MX1: variants seen among roughly 807,000 people sequenced by gnomAD.
The protein encoded by MX1 is MX dynamin like GTPase 1.
Under a neutral mutation model 66.4 loss-of-function variants are expected in MX1, and 66 were observed. That is an observed-to-expected ratio of 0.99 (90% CI 0.82 to 1.22). The LOEUF is 1.22. MX1 is among the 50% of genes most tolerant of loss of function. MX1 has a pLI of 0.00. For missense variants in MX1, 787 were observed against 834.3 expected (o/e 0.94, Z 0.70); for synonymous variants, 311 against 318.1 (o/e 0.98, Z 0.24).
Position 41,453,113 on chromosome 21 carries a change from A to G in MX1, c.1758+244A>G, listed in dbSNP as rs550978800. ...CACATGGCTGGGGAGGCCTTCTACC[A>G]TCACGGCAGAAGGCAATGGGCACTT... On this transcript the variant is annotated intron_variant, in intron 16 of 16. Coordinates refer to ENST00000398598, the MANE Select transcript of MX1 (RefSeq NM_002462.5). 5.3e-5 allele frequency among the ~76,000 whole-genome samples: 8 copies of G among 152,312 alleles called. No individual in the cohort carries two copies. In the South Asian group the frequency reaches 1.7e-3, roughly 32 times the overall value.
At chr21:41,440,781 AC>A in intron 8 of MX1, 105 bp from the exon 9 acceptor site, 1 of 1,316,208 alleles carries the variant, frequency 7.6e-7, no homozygotes, top group Non-Finnish European at 1.1e-6. Flanking sequence ...TGGGGGAAAT[AC>A]CCCTGGGACT....
chr21:41,447,041 T>A (rs2090683413), intron 13 of MX1, among the ~76,000 whole-genome samples: 1 of 152,212 alleles, frequency 6.6e-6, no homozygotes, highest in Non-Finnish European at 1.5e-5. Flanking sequence ...TGTGTAGCGG[T>A]TGGCTTTGGC....
intron 16 of MX1, among the ~76,000 whole-genome samples, chr21:41,453,229 A>C (rs1159924520): frequency 6.6e-6 from 1 of 152,204 alleles, no homozygotes; most frequent in East Asian, 1.9e-4. Context: ...AGAGTTACTC[A>C]CTACCATGAG....
chr21:41,445,382 G>A lies in MX1; in HGVS notation c.1009-66G>A, dbSNP rs201415505. On this transcript the variant is annotated intron_variant, in intron 11 of 16. Coordinates refer to ENST00000398598, the MANE Select transcript of MX1 (RefSeq NM_002462.5). ...ACAACTCCTCTGCAGAGGGAGGCCC[G>A]GGACCTCCTTTTCATTCTCTGTTCA... The A allele has an allele frequency of 2.9e-3, 4,597 of 1,575,298 alleles. 9 individuals are homozygous for A. The highest frequency in any genetic ancestry group is 3.7e-3 in the Non-Finnish European group (4,218 of 1,149,572).
upstream of MX1, among the ~76,000 whole-genome samples, chr21:41,424,304 C>T (rs2090023745): frequency 6.6e-6 from 1 of 151,282 alleles, no homozygotes; most frequent in African/African-American, 2.4e-5. Context: ...ACTTGTGTTC[C>T]CCTTGGATGA....
In MX1 at chr21:41,452,755, G is replaced by T. The variant is rs768667544; in HGVS notation, c.1644G>T (p.Lys548Asn). Reference sequence around the variant, plus strand: ...GTGCATTGCAGAAGGTCAGAGAGAAGGAGCTGGAAGAAGAAAAGAAGAAGA... The same window carrying T: ...GTGCATTGCAGAAGGTCAGAGAGAATGAGCTGGAAGAAGAAAAGAAGAAGA... ...YRGALQKVREKELEEEKKKKS... is the reference protein window; with the variant it reads ...YRGALQKVRENELEEEKKKKS... The change falls in exon 16 of 17, where the codon AAG (lysine) becomes AAT (asparagine). Residue 548 changes from lysine (K) to asparagine (N), a missense_variant. By Grantham distance (94) the Lys-to-Asn change is moderately conservative (BLOSUM62 0). Coordinates refer to ENST00000398598, the MANE Select transcript of MX1 (RefSeq NM_002462.5). 6.2e-7 allele frequency: 1 copy of T among 1,614,212 alleles called. No individual in the cohort carries two copies.
chr21:41,445,108 T>C (rs2090623642), intron 11 of MX1, among the ~76,000 whole-genome samples: 1 of 152,298 alleles, frequency 6.6e-6, no homozygotes, highest in East Asian at 1.9e-4. Flanking sequence ...GACAAGTGGA[T>C]CTCTCCAGTC....
At position 41,441,453 on chromosome 21, in the gene MX1, G is replaced by A. The variant is rs374993788; in HGVS notation, c.731-263G>A. On this transcript the variant is annotated intron_variant, in intron 9 of 16. Coordinates refer to ENST00000398598, the MANE Select transcript of MX1 (RefSeq NM_002462.5). This position sits in a 1 kb window ranked among gnomAD's most constrained non-coding sequence, Gnocchi z 4.0. The stretch of plus-strand genomic sequence containing the variant: ...ATAACTCAAGGGATAAACAAAACGT[G>A]GCGTGTTCTACAGTGGACCCGGGTG... The A allele has an allele frequency of 1.5e-5, 8 of 542,562 alleles. 1 individual carries two copies. Among genetic ancestry groups the A allele is most frequent in the African/African-American group, 9.4e-5 (5 of 52,966 alleles). The allele number at this position is 542,562 out of a possible 1,614,324, so 33.6% of individuals were successfully genotyped here. A position where few individuals can be genotyped will look rare whatever the true frequency, so the allele number is the denominator to read the frequency against.
intron 16 of MX1, among the ~76,000 whole-genome samples, chr21:41,455,115 G>T (rs1411045132): frequency 6.6e-6 from 1 of 151,972 alleles, no homozygotes; most frequent in Non-Finnish European, 1.5e-5. Context: ...TTACCATGTT[G>T]GCCAGGCTGG....
At chr21:41,445,660 C>T in intron 12 of MX1, 90 bp downstream of exon 12, 2 of 1,540,412 alleles carry the variant, frequency 1.3e-6, no homozygotes, top group Non-Finnish European at 1.8e-6. Flanking sequence ...TCTTCACTCC[C>T]CCAAGGCTGA....
At chr21:41,449,687 G>T (rs2075807) in intron 14 of MX1, 54,034 of 158,006 alleles carry the variant, frequency 0.34, 10,288 homozygotes, top group African/African-American at 0.51. Flanking sequence ...TTGATAAGGG[G>T]CACAAATGAA....
intron 15 of MX1, among the ~76,000 whole-genome samples, chr21:41,452,353 G>A (rs910582795): frequency 5.3e-5 from 8 of 152,224 alleles, no homozygotes; most frequent in Admixed American, 3.3e-4. Context: ...GAGTTACGGG[G>A]CCTGAAAGCA....
At chr21:41,445,743 T>C (rs2090642988) in intron 12 of MX1, 173 bp downstream of exon 12, 1 of 921,986 alleles carries the variant, frequency 1.1e-6, no homozygotes. Context: ...AGTGCAGATG[T>C]GGGGGTGGAG....
chr21:41,447,916 G>T (rs1461531993), intron 13 of MX1, among the ~76,000 whole-genome samples: 1 of 152,144 alleles, frequency 6.6e-6, no homozygotes, highest in African/African-American at 2.4e-5. Context: ...TTTTAGTAGA[G>T]ATGGGGTTTC....
In MX1 at chr21:41,437,034, G is replaced by T; in HGVS notation, c.318G>T (p.Pro106=). 2 of 1,613,916 alleles carry T rather than the reference G, an allele frequency of 1.2e-6. No individual in the cohort carries two copies. Among genetic ancestry groups the T allele is most frequent in the Non-Finnish European group, 1.7e-6 (2 of 1,179,846 alleles). Residue 106 remains proline, a synonymous_variant, in exon 7 of 17, where the codon CCG becomes CCT. Transcript: ENST00000398598. ...TCCTAGGGATCGTGACCAGATGCCC[G>T]CTGGTGCTGAAACTGAAGAAACTTG... ...PRGSGIVTRC[P]LVLKLKKLVN...
intron 11 of MX1, among the ~76,000 whole-genome samples, chr21:41,445,205 G>T (rs1347763560): frequency 6.6e-6 from 1 of 152,200 alleles, no homozygotes; most frequent in Non-Finnish European, 1.5e-5. Context: ...CACAGTGGGT[G>T]CCACAGTGCT....
upstream of MX1, chr21:41,422,987 C>G (rs1408104624): frequency 6.6e-6 from 1 of 152,336 alleles, no homozygotes; most frequent in Non-Finnish European, 1.5e-5. Context: ...AAGAGGGTGG[C>G]GGGCCACTTC....
intron 12 of MX1, 127 bp downstream of exon 12, chr21:41,445,697 C>CA: frequency 7.5e-7 from 1 of 1,334,988 alleles, no homozygotes. Context: ...CCGTAGCACT[C>CA]AAAGGGTGGA....
chr21:41,452,311 T>C (rs1215016655), intron 15 of MX1, among the ~76,000 whole-genome samples: 1 of 152,174 alleles, frequency 6.6e-6, no homozygotes, highest in Non-Finnish European at 1.5e-5. Context: ...CCATCAGATA[T>C]AGAAGCCCCT....
Sources: allele counts gnomAD v4.1 joint callset (sites outside exome capture counted in the v4.1 genomes callset), GRCh38; gene constraint gnomAD v4.1.1; non-coding constraint Gnocchi (gnomAD v3.1); transcripts MANE v1.5; gene names NCBI Gene and HGNC (gene_info 2026-07-23, HGNC 2026-07-21).